Variants in DLGAP1 observed in about 807,000 individuals in gnomAD.
The protein encoded by DLGAP1 is disks large-associated protein 1.
DLGAP1 carries 11 observed loss-of-function variants against 90.8 expected under a neutral mutation model. That is an observed-to-expected ratio of 0.12 (90% CI 0.08 to 0.20). The LOEUF is 0.20. Among genes scored for constraint, DLGAP1 ranks in the 10% least tolerant of loss-of-function variants. The pLI is 1.00. For missense variants in DLGAP1, 1,050 were observed against 1,333.8 expected, an observed-to-expected ratio of 0.79 and a Z score of 3.31; for synonymous variants, 558 against 540.7, an observed-to-expected ratio of 1.03 and a Z score of -0.44.
intron 2 of DLGAP1, among the ~76,000 whole-genome samples, chr18:4,051,932 T>C (rs2075139599): frequency 6.6e-6 from 1 of 152,218 alleles, no homozygotes; most frequent in Admixed American, 6.5e-5. Context: ...AGGTCAGTCA[T>C]TAAACCTTAA....
At chr18:3,696,534 C>T (rs1346574672) in intron 7 of DLGAP1, among the ~76,000 whole-genome samples, 2 of 152,130 alleles carry the variant, frequency 1.3e-5, no homozygotes, top group Non-Finnish European at 2.9e-5. Flanking sequence ...GCCTTACATC[C>T]CAGGGATGAA....
In DLGAP1 at chr18:3,617,955, T is replaced by G. The variant is rs140832566; in HGVS notation, c.1592-35707A>C. Among the ~76,000 whole-genome samples the G allele has an allele frequency of 9.9e-5, 15 of 151,696 alleles. No homozygotes were observed. The East Asian group carries it at 2.7e-3, about 28-fold the overall frequency. ...AGGAGATTGAGGTAGGAGAATTGTT[T>G]GAACCCGGGAGGCGGAGGTTGCTGT... On this transcript the variant is annotated intron_variant, in intron 7 of 12. Coordinates refer to ENST00000315677, the MANE Select transcript of DLGAP1 (RefSeq NM_004746.4).
chr18:4,142,230 T>G (rs1441836054), intron 2 of DLGAP1, among the ~76,000 whole-genome samples: 1 of 152,256 alleles, frequency 6.6e-6, no homozygotes, highest in Admixed American at 6.5e-5. Flanking sequence ...ATCTGTTTTC[T>G]AAGGAAATTA....
Position 4,087,054 on chromosome 18 carries a change from T to TATATACAC in DLGAP1, c.-159+64125_-159+64126insGTGTATAT, listed in dbSNP as rs2075693800. ...ATATATATATATACACAAACACATATATATATACACACACTTATATATACA... is the reference window on the plus strand; with the variant it reads ...ATATATATATATACACAAACACATATATATACACATATATACACACACTTATATATACA... On this transcript the variant is annotated intron_variant, in intron 2 of 12. Transcript: ENST00000315677. 8.9e-5 allele frequency among the ~76,000 whole-genome samples: 9 copies of TATATACAC among 101,236 alleles called. 1 individual carries two copies. The highest frequency in any genetic ancestry group is 3.0e-4 in the African/African-American group (8 of 26,272). 66.4% of individuals were successfully genotyped at this position (101,236 alleles called of 152,430 possible).
chr18:3,647,011 G>A (rs2059146579), intron 7 of DLGAP1, among the ~76,000 whole-genome samples: 2 of 152,088 alleles, frequency 1.3e-5, no homozygotes. Flanking sequence ...CACTTTGAGA[G>A]GCTGAGGTGG....
At chr18:4,006,702 G>A (rs1057176164) in intron 2 of DLGAP1, among the ~76,000 whole-genome samples, 2 of 150,646 alleles carry the variant, frequency 1.3e-5, no homozygotes, top group African/African-American at 4.9e-5. Flanking sequence ...CTGGAGTGCA[G>A]TGGCACGATC....
At chr18:4,366,232 T>C (rs1244253425) in intron 1 of DLGAP1, among the ~76,000 whole-genome samples, 1 of 152,110 alleles carries the variant, frequency 6.6e-6, no homozygotes, top group Non-Finnish European at 1.5e-5. Context: ...GAATAATCTT[T>C]TAAAAATGTT....
intron 7 of DLGAP1, among the ~76,000 whole-genome samples, chr18:3,669,441 C>T (rs2060001216): frequency 6.6e-6 from 1 of 152,148 alleles, no homozygotes; most frequent in South Asian, 2.1e-4. Context: ...TATAAAAATT[C>T]GAGACCCTAG....
At chr18:3,768,767 G>A (rs947923850) in intron 5 of DLGAP1, among the ~76,000 whole-genome samples, 4 of 152,084 alleles carry the variant, frequency 2.6e-5, no homozygotes, top group Admixed American at 6.5e-5. Context: ...CCCACCTTAC[G>A]CAAACTCAAA....
At chr18:3,648,505 T>C (rs771624850) in intron 7 of DLGAP1, among the ~76,000 whole-genome samples, 1 of 152,248 alleles carries the variant, frequency 6.6e-6, no homozygotes, top group Non-Finnish European at 1.5e-5. Flanking sequence ...GTCTACATTA[T>C]GGTGTGTTCC....
intron 7 of DLGAP1, among the ~76,000 whole-genome samples, chr18:3,592,160 A>G (rs2056281812): frequency 6.6e-6 from 1 of 152,198 alleles, no homozygotes; most frequent in South Asian, 2.1e-4. Flanking sequence ...GGCCAGAGAA[A>G]GAGCTCCAAC....
At chr18:4,085,994 T>C (rs2075675262) in intron 2 of DLGAP1, among the ~76,000 whole-genome samples, 1 of 152,210 alleles carries the variant, frequency 6.6e-6, no homozygotes, top group Admixed American at 6.5e-5. Flanking sequence ...AAATAAGACC[T>C]AAACTGGGCA....
At chr18:4,252,959 A>G (rs2078813452) in intron 1 of DLGAP1, among the ~76,000 whole-genome samples, 1 of 152,238 alleles carries the variant, frequency 6.6e-6, no homozygotes, top group Non-Finnish European at 1.5e-5. Flanking sequence ...CTTCCAATTT[A>G]AAGTACCATA....
At position 3,879,892 on chromosome 18, in the gene DLGAP1, G is replaced by A. The variant is rs1269536498; in HGVS notation, c.177C>T (p.Gly59=). The A allele has an allele frequency of 2.2e-5, 35 of 1,611,846 alleles. No homozygotes were observed. The highest frequency in any genetic ancestry group is 2.9e-5 in the Non-Finnish European group (34 of 1,179,720). The change falls in exon 4 of 13, where the codon GGC becomes GGT. Residue 59 remains glycine, a synonymous_variant. Coordinates refer to ENST00000315677, the MANE Select transcript of DLGAP1 (RefSeq NM_004746.4). This position sits in a 1 kb window ranked among gnomAD's most constrained non-coding sequence, Gnocchi z 6.6. ...TGCTGGCCAGCGGGTCGCTGAAGGG[G>A]CCCACGCACTCAGCCTGGAAGGAGT... ...QRNSFQAECV[G]PFSDPLASST... is the part of the protein sequence containing the mutation.
chr18:3,680,170 C>T (rs1026950722), intron 7 of DLGAP1: 1 of 152,334 alleles, frequency 6.6e-6, no homozygotes, highest in African/African-American at 2.4e-5. Flanking sequence ...ACAGGACAGC[C>T]TGGCTGGACA....
At chr18:4,364,382 T>C (rs2081709493) in intron 1 of DLGAP1, among the ~76,000 whole-genome samples, 1 of 151,704 alleles carries the variant, frequency 6.6e-6, no homozygotes, top group African/African-American at 2.4e-5. Context: ...ATTGTGCACA[T>C]GTACCCTAAA....
chr18:3,890,878 A>G (rs927810193), intron 3 of DLGAP1, among the ~76,000 whole-genome samples: 1 of 152,188 alleles, frequency 6.6e-6, no homozygotes, highest in African/African-American at 2.4e-5. Flanking sequence ...ACAGATGTGC[A>G]CCACTGCGCC....
intron 1 of DLGAP1, among the ~76,000 whole-genome samples, chr18:4,243,933 T>C (rs1383071545): frequency 6.6e-6 from 1 of 152,202 alleles, no homozygotes; most frequent in Non-Finnish European, 1.5e-5. Context: ...TTCAAATTGT[T>C]CAGACCTTCA....
At chr18:4,160,229 T>C (rs1568426936) in intron 1 of DLGAP1, among the ~76,000 whole-genome samples, 1 of 152,214 alleles carries the variant, frequency 6.6e-6, no homozygotes, top group Non-Finnish European at 1.5e-5. Context: ...ATATTTGTTG[T>C]CAATCACTTA....
Sources: allele counts gnomAD v4.1 joint callset (sites outside exome capture counted in the v4.1 genomes callset), GRCh38; gene constraint gnomAD v4.1.1; non-coding constraint Gnocchi (gnomAD v3.1); transcripts MANE v1.5; gene names NCBI Gene and HGNC (gene_info 2026-07-23, HGNC 2026-07-21).